The following CLTA variants were observed in gnomAD, a reference collection of about 807,000 sequenced individuals.
CLTA encodes the protein clathrin, light polypeptide (Lca).
Under a neutral mutation model 26.9 loss-of-function variants are expected in CLTA, and 9 were observed. That is an observed-to-expected ratio of 0.33 (90% CI 0.20 to 0.58). The LOEUF is 0.58. Among genes scored for constraint, CLTA ranks in the 20% least tolerant of loss-of-function variants. The pLI is 0.85. For synonymous variants in CLTA, 120 were observed against 115.5 expected (o/e 1.04, Z -0.25); for missense variants, 278 against 294.2 (o/e 0.94, Z 0.40).
At chr9:36,201,785 G>C (rs539061563) in intron 3 of CLTA, among the ~76,000 whole-genome samples, 2 of 152,270 alleles carry the variant, frequency 1.3e-5, no homozygotes, top group Non-Finnish European at 2.9e-5. Context: ...TTCCACATCT[G>C]TACTTCATGC....
intron 4 of CLTA, among the ~76,000 whole-genome samples, chr9:36,205,122 G>A (rs1827637676): frequency 6.6e-6 from 1 of 152,234 alleles, no homozygotes. Flanking sequence ...CAGTGCTATT[G>A]TGGGTCCAGT....
chr9:36,195,618 A>G (rs963992088), intron 1 of CLTA, among the ~76,000 whole-genome samples: 1 of 152,192 alleles, frequency 6.6e-6, no homozygotes, highest in African/African-American at 2.4e-5. Flanking sequence ...GCTAGTAGTA[A>G]TATAAACTGG....
chr9:36,193,666 A>C (rs1435117392), intron 1 of CLTA, among the ~76,000 whole-genome samples: 1 of 152,188 alleles, frequency 6.6e-6, no homozygotes, highest in Non-Finnish European at 1.5e-5. Context: ...TATTATACAG[A>C]GATATATAGG....
At chr9:36,196,953 C>T (rs925635613) in intron 1 of CLTA, among the ~76,000 whole-genome samples, 2 of 152,076 alleles carry the variant, frequency 1.3e-5, no homozygotes, top group Non-Finnish European at 2.9e-5. Flanking sequence ...GCGGGTGGAT[C>T]GCTTGAGTCC....
chr9:36,203,252 G>A (rs1327340863), intron 3 of CLTA, among the ~76,000 whole-genome samples: 1 of 152,144 alleles, frequency 6.6e-6, no homozygotes, highest in Non-Finnish European at 1.5e-5. Flanking sequence ...ATCCAATCTA[G>A]CAAACCTGCT....
At chr9:36,191,828 GAGAA>G (rs1015645972) in intron 1 of CLTA, among the ~76,000 whole-genome samples, 17 of 152,226 alleles carry the variant, frequency 1.1e-4, no homozygotes, top group African/African-American at 4.1e-4. Context: ...TCTAGGTCTG[GAGAA>G]AGAACTGCCA....
chr9:36,198,612 T>C (rs1385731822), intron 2 of CLTA, among the ~76,000 whole-genome samples: 4 of 140,628 alleles, frequency 2.8e-5, no homozygotes, highest in African/African-American at 1.1e-4. Context: ...ACCCGGGGAG[T>C]AGAGGTTGCA....
rs571521982 is a variant in CLTA at position 36,204,594 on chromosome 9, C to T, written c.485+415C>T. On this transcript the variant is annotated intron_variant, in intron 4 of 4. Transcript: ENST00000345519. The stretch of plus-strand genomic sequence containing the variant: ...CTGAAAGCCACTTCATGAAGGGGTC[C>T]GTTGGCAGGAATATGTGCTTTGTAA... Among the ~76,000 whole-genome samples, 13 of 152,222 alleles carry T rather than the reference C, an allele frequency of 8.5e-5. 1 individual carries two copies. The highest frequency in any genetic ancestry group is 3.1e-4 in the African/African-American group (13 of 41,548).
chr9:36,198,409 G>A (rs1178122219), intron 2 of CLTA, among the ~76,000 whole-genome samples: 1 of 150,682 alleles, frequency 6.6e-6, no homozygotes, highest in Non-Finnish European at 1.5e-5. Context: ...GGGCACGGTG[G>A]CTCACGCCTG....
At chr9:36,198,709 A>G (rs916624560) in intron 2 of CLTA, among the ~76,000 whole-genome samples, 8 of 150,682 alleles carry the variant, frequency 5.3e-5, no homozygotes, top group Admixed American at 5.3e-4. Flanking sequence ...CCAGAAAAAA[A>G]AAAAAAAAAA....
At chr9:36,192,216 A>C (rs1296660010) in intron 1 of CLTA, among the ~76,000 whole-genome samples, 3 of 152,226 alleles carry the variant, frequency 2.0e-5, no homozygotes, top group Non-Finnish European at 2.9e-5. Context: ...GGCATATAGG[A>C]GTAGTGTCTA....
intron 4 of CLTA, among the ~76,000 whole-genome samples, chr9:36,210,011 C>T (rs77289364): frequency 2.6e-3 from 400 of 152,334 alleles, no homozygotes; most frequent in African/African-American, 9.0e-3. Flanking sequence ...TGTCTTGATA[C>T]GGGCCACTTG....
At chr9:36,198,945 G>A in intron 2 of CLTA, 34 bp from the exon 3 acceptor site, 1 of 1,441,526 alleles carries the variant, frequency 6.9e-7, no homozygotes. Flanking sequence ...GGAATTTTTG[G>A]TATTAATATA....
At position 36,191,151 on chromosome 9, in the gene CLTA, C is replaced by T. The variant is rs1363353528; in HGVS notation, c.95C>T (p.Ala32Val). 2 of 1,599,478 alleles carry T rather than the reference C, an allele frequency of 1.3e-6. No individual in the cohort carries two copies. Among genetic ancestry groups the T allele is most frequent in the Non-Finnish European group, 1.7e-6 (2 of 1,175,332 alleles). ...GCCGGCGCCGGCGAAGAAGACCCGG[C>T]TGCGGCCTTCTTGGCGCAGCAAGAG... ...GVAGAGEEDP[A>V]AAFLAQQESE... The change falls in exon 1 of 5, where the codon GCT becomes GTT. Residue 32 changes from alanine to valine, a missense_variant. Transcript: ENST00000345519.
upstream of CLTA, chr9:36,190,916 G>C: frequency 7.3e-7 from 1 of 1,370,804 alleles, no homozygotes; most frequent in Non-Finnish European, 9.5e-7. Context: ...ACACGGGTAG[G>C]GCTTCCGCTT....
At position 36,211,797 on chromosome 9, in the gene CLTA, A is replaced by G; in HGVS notation, c.*23A>G. On this transcript the variant is annotated 3_prime_UTR_variant, in exon 5 of 5. Coordinates refer to ENST00000345519, the MANE Select transcript of CLTA (RefSeq NM_001833.4). ...TGAAGAGCCACCCTGTGGAAACACT[A>G]CATCTGCAATATCTTAATCCTACTC... 6.4e-7 allele frequency: 1 copy of G among 1,565,512 alleles called. No individual in the cohort carries two copies. The highest frequency in any genetic ancestry group is 8.8e-7 in the Non-Finnish European group (1 of 1,140,150).
intron 4 of CLTA, among the ~76,000 whole-genome samples, chr9:36,205,594 C>T (rs527462609): frequency 3.2e-4 from 48 of 152,080 alleles, no homozygotes; most frequent in Non-Finnish European, 5.0e-4. Context: ...GTCTGTGATG[C>T]GTCAATAACT....
At chr9:36,209,247 T>A in intron 4 of CLTA, 2 of 1,613,906 alleles carry the variant, frequency 1.2e-6, no homozygotes, top group Non-Finnish European at 1.7e-6. Context: ...TGCCTGCCTT[T>A]TGGACCTCTT....
At chr9:36,205,904 T>G (rs771123847) in intron 4 of CLTA, among the ~76,000 whole-genome samples, 4 of 151,812 alleles carry the variant, frequency 2.6e-5, no homozygotes, top group Non-Finnish European at 5.9e-5. Context: ...GGACTACAGG[T>G]GCCCGCCACC....
Sources: allele counts gnomAD v4.1 joint callset (sites outside exome capture counted in the v4.1 genomes callset), GRCh38; gene constraint gnomAD v4.1.1; transcripts MANE v1.5; gene names NCBI Gene and HGNC (gene_info 2026-07-23, HGNC 2026-07-21).